The following GPC6 variants were observed in gnomAD, a reference collection of about 807,000 sequenced individuals.
GPC6 encodes the protein glypican-6.
A neutral mutation model predicts 55.2 loss-of-function variants in GPC6; 14 were observed. The ratio of observed to expected loss-of-function variants is 0.25; its 90% confidence interval spans 0.17 to 0.40. GPC6 has a LOEUF of 0.40. Ranked by LOEUF, GPC6 falls within the 10% of genes least tolerant of loss-of-function variation. The pLI is 1.00. For synonymous variants in GPC6, 278 were observed against 259.6 expected (o/e 1.07, Z -0.68); for missense variants, 641 against 708.5 (o/e 0.90, Z 1.08).
chr13:93,713,737 T>G (rs996869553), intron 2 of GPC6, among the ~76,000 whole-genome samples: 1 of 151,748 alleles, frequency 6.6e-6, no homozygotes. Context: ...TGTTTAATAC[T>G]ACTTAATGTA....
intron 1 of GPC6, among the ~76,000 whole-genome samples, chr13:93,324,421 G>T (rs1359192743): frequency 1.3e-5 from 2 of 151,620 alleles, no homozygotes; most frequent in Admixed American, 6.6e-5. Context: ...ATAACTAAAA[G>T]AGTATAATTG....
At chr13:93,727,419 A>C (rs1346803073) in intron 2 of GPC6, among the ~76,000 whole-genome samples, 1 of 152,070 alleles carries the variant, frequency 6.6e-6, no homozygotes, top group Non-Finnish European at 1.5e-5. Flanking sequence ...CATTTGCCCT[A>C]TCTGGCCCAC....
chr13:93,667,502 G>T (rs529560075), intron 2 of GPC6, among the ~76,000 whole-genome samples: 4 of 151,242 alleles, frequency 2.6e-5, no homozygotes, highest in African/African-American at 9.7e-5. Context: ...GCAAGAACTT[G>T]GTTCACTGCA....
At chr13:94,300,429 C>T (rs1404530860) in intron 5 of GPC6, among the ~76,000 whole-genome samples, 1 of 152,294 alleles carries the variant, frequency 6.6e-6, no homozygotes, top group Admixed American at 6.5e-5. Context: ...CCTGTTATCA[C>T]CACACCTCCT....
chr13:93,452,258 G>A (rs542135306), intron 1 of GPC6, among the ~76,000 whole-genome samples: 26 of 152,268 alleles, frequency 1.7e-4, no homozygotes, highest in Admixed American at 3.3e-4. Context: ...TTATAAGTAA[G>A]CCTTGATACT....
At chr13:93,254,111 C>T (rs1349285623) in intron 1 of GPC6, among the ~76,000 whole-genome samples, 3 of 152,062 alleles carry the variant, frequency 2.0e-5, no homozygotes, top group African/African-American at 2.4e-5. Flanking sequence ...TCACTTGAGG[C>T]CAGGAGTTTG....
intron 1 of GPC6, among the ~76,000 whole-genome samples, chr13:93,324,815 T>C (rs971983606): frequency 6.6e-6 from 1 of 151,826 alleles, no homozygotes; most frequent in Non-Finnish European, 1.5e-5. Context: ...AATGAGTAAA[T>C]GTTAAGAGAT....
At chr13:93,407,275 G>A (rs1433731117) in intron 1 of GPC6, among the ~76,000 whole-genome samples, 5 of 152,038 alleles carry the variant, frequency 3.3e-5, no homozygotes, top group African/African-American at 1.2e-4. Context: ...TAGAGAGAGA[G>A]AGAGAAAAAA....
chr13:93,670,980 G>A (rs1298430206), intron 2 of GPC6, among the ~76,000 whole-genome samples: 1 of 152,072 alleles, frequency 6.6e-6, no homozygotes, highest in African/African-American at 2.4e-5. Context: ...CTTCCTTTTG[G>A]TCTTGCTCCC....
intron 4 of GPC6, among the ~76,000 whole-genome samples, chr13:94,218,372 C>T (rs751446659): frequency 3.9e-5 from 6 of 152,150 alleles, no homozygotes; most frequent in Non-Finnish European, 8.8e-5. Context: ...ATAAGTGATA[C>T]AGAAGCAACT....
chr13:93,344,493 G>T (rs1418846033), intron 1 of GPC6, among the ~76,000 whole-genome samples: 1 of 152,086 alleles, frequency 6.6e-6, no homozygotes, highest in Non-Finnish European at 1.5e-5. Context: ...CAGGTCTCTG[G>T]TTTCATCAAT....
intron 2 of GPC6, among the ~76,000 whole-genome samples, chr13:93,751,030 C>G (rs1269607539): frequency 6.6e-6 from 1 of 152,158 alleles, no homozygotes; most frequent in Non-Finnish European, 1.5e-5. Flanking sequence ...TACTTAATTA[C>G]TCTCTGTATG....
chr13:94,135,113 A>G (rs1887136731), intron 4 of GPC6, among the ~76,000 whole-genome samples: 1 of 152,170 alleles, frequency 6.6e-6, no homozygotes, highest in Admixed American at 6.5e-5. Context: ...ACTCATTGAC[A>G]TAGTACTTAT....
intron 3 of GPC6, chr13:93,830,870 G>C (rs1331163420): frequency 7.1e-6 from 2 of 281,970 alleles, no homozygotes; most frequent in Non-Finnish European, 1.3e-5. Context: ...TTTCTGATCA[G>C]GGTTTTAAGG....
chr13:94,145,009 T>C (rs1887511170), intron 4 of GPC6, among the ~76,000 whole-genome samples: 1 of 152,174 alleles, frequency 6.6e-6, no homozygotes, highest in South Asian at 2.1e-4. Flanking sequence ...GCACAGAGTT[T>C]GAAATATTGA....
chr13:93,510,969 A>G lies in GPC6; in HGVS notation c.161-34294A>G, dbSNP rs9524102. On this transcript the variant is annotated intron_variant, in intron 1 of 8. Transcript: ENST00000377047. ...TTGAGAAATATATATATATATATAT[A>G]TGTGTATATATATATGTGTATATAT... 1.9e-4 allele frequency among the ~76,000 whole-genome samples: 12 copies of G among 62,370 alleles called. 1 individual carries two copies. The highest frequency in any genetic ancestry group is 1.1e-3 in the East Asian group (2 of 1,762). 40.9% of individuals were successfully genotyped at this position (62,370 alleles called of 152,430 possible).
At chr13:94,218,658 G>C (rs1890291987) in intron 4 of GPC6, among the ~76,000 whole-genome samples, 1 of 152,130 alleles carries the variant, frequency 6.6e-6, no homozygotes, top group South Asian at 2.1e-4. Context: ...GCAGCCCTTG[G>C]TAACAACACA....
intron 2 of GPC6, among the ~76,000 whole-genome samples, chr13:93,584,243 G>A (rs928459101): frequency 6.6e-6 from 1 of 152,078 alleles, no homozygotes; most frequent in Non-Finnish European, 1.5e-5. Context: ...AATATTTTGG[G>A]GTGGGTGACT....
At chr13:93,832,504 G>A (rs760167519) in intron 3 of GPC6, among the ~76,000 whole-genome samples, 10 of 152,094 alleles carry the variant, frequency 6.6e-5, no homozygotes, top group Non-Finnish European at 8.8e-5. Flanking sequence ...CTGATTATGT[G>A]TATTTATTCT....
Sources: allele counts gnomAD v4.1 joint callset (sites outside exome capture counted in the v4.1 genomes callset), GRCh38; gene constraint gnomAD v4.1.1; transcripts MANE v1.5; gene names NCBI Gene and HGNC (gene_info 2026-07-23, HGNC 2026-07-21).